Variants in PCDHGA4 observed in about 807,000 individuals in gnomAD.
PCDHGA4 encodes the protein protocadherin gamma-A4.
Under a neutral mutation model 54.6 loss-of-function variants are expected in PCDHGA4, and 38 were observed. The ratio of observed to expected loss-of-function variants is 0.70; its 90% CI spans 0.54 to 0.91. The LOEUF (loss-of-function observed/expected upper bound fraction) is 0.91. PCDHGA4 is among the 40% of genes least tolerant of loss of function. PCDHGA4 has a pLI of 0.00. For missense variants in PCDHGA4, 1,298 were observed against 1,220.9 expected, an observed-to-expected ratio of 1.06 and a Z score of -0.94; for synonymous variants, 511 against 512.9, an observed-to-expected ratio of 1.00 and a Z score of 0.05.
rs747671382 is a variant in PCDHGA4 at position 141,444,152 on chromosome 5, A to ATTTTTTTT, written c.2515-50626_2515-50619dup. ...GATATGTGTCACTTGTGTGTACTGG[A>ATTTTTTTT]TTTTTTTTTTTTTTTTTTTTTTTTT... On this transcript the variant is annotated intron_variant, in intron 1 of 3. Transcript: ENST00000571252. Among the ~76,000 whole-genome samples, 8 of 33,898 alleles carry ATTTTTTTT rather than the reference A, an allele frequency of 2.4e-4. 3 individuals are homozygous for ATTTTTTTT. Among genetic ancestry groups the ATTTTTTTT allele is most frequent in the African/African-American group, 5.6e-4 (4 of 7,184 alleles). The allele number at this position is 33,898 out of a possible 152,430, so 22.2% of individuals were successfully genotyped here.
intron 1 of PCDHGA4, chr5:141,415,272 A>G (rs771588742): frequency 1.3e-5 from 21 of 1,614,208 alleles, no homozygotes; most frequent in African/African-American, 9.3e-5. Context: ...ACCTGGTGGT[A>G]GCGGTGGCCG....
chr5:141,426,439 G>A, intron 1 of PCDHGA4: 1 of 302,400 alleles, frequency 3.3e-6, no homozygotes, highest in Non-Finnish European at 6.5e-6. Flanking sequence ...GAACCTTGCG[G>A]AGGACATGCG....
In PCDHGA4 at chr5:141,477,880, C is replaced by T. The variant is rs763789849; in HGVS notation, c.2515-16927C>T. 10 of 1,614,058 alleles carry T rather than the reference C, an allele frequency of 6.2e-6. No homozygotes were observed. The African/African-American group carries it at 1.2e-4, about 19-fold the overall frequency. ...TGCCTCGAGGTACCTCAGCTGGCCA[C>T]CTAGTGTCACGGGTGGTAGGCTGGG... is the stretch of plus-strand genomic sequence containing the variant. On this transcript the variant is annotated intron_variant, in intron 1 of 3. Transcript: ENST00000571252. The surrounding 1 kb of genome is among the most constrained non-coding windows in gnomAD (Gnocchi z 4.9).
chr5:141,364,009 G>C (rs1763143334), intron 1 of PCDHGA4, among the ~76,000 whole-genome samples: 1 of 152,092 alleles, frequency 6.6e-6, no homozygotes, highest in Non-Finnish European at 1.5e-5. Context: ...CATAAACAAC[G>C]CTACACAGTT....
At position 141,511,211 on chromosome 5, in the gene PCDHGA4, C is replaced by G; in HGVS notation, c.*38C>G. ...GCCAAGAGCCACAGGGCGGCCTCTC[C>G]CCAACCAGCCCAGCTTCTCCTTACC... On this transcript the variant is annotated 3_prime_UTR_variant, in exon 4 of 4. Transcript: ENST00000571252. The G allele has an allele frequency of 6.2e-7, 1 of 1,608,626 alleles. No individual in the cohort carries two copies. The highest frequency in any genetic ancestry group is 8.5e-7 in the Non-Finnish European group (1 of 1,177,476).
chr5:141,441,762 C>A (rs3805697), intron 1 of PCDHGA4: 10 of 374,012 alleles, frequency 2.7e-5, no homozygotes, highest in Non-Finnish European at 2.2e-5. Flanking sequence ...CGTGAGCCTG[C>A]GCGTGTTGGT....
chr5:141,421,750 C>A lies in PCDHGA4; in HGVS notation c.2514+64129C>A, dbSNP rs766529731. On this transcript the variant is annotated intron_variant, in intron 1 of 3. Coordinates refer to ENST00000571252, the MANE Select transcript of PCDHGA4 (RefSeq NM_018917.4). ...CTCCCTCCAGAGCTACCAGCTCAGC[C>A]CTAATAATTACTTTTCCTTGCAACT... 4.3e-6 allele frequency: 7 copies of A among 1,613,788 alleles called. No individual in the cohort carries two copies. Among genetic ancestry groups the A allele is most frequent in the Non-Finnish European group, 5.9e-6 (7 of 1,179,864 alleles).
chr5:141,389,330 C>T, intron 1 of PCDHGA4: 1 of 1,614,000 alleles, frequency 6.2e-7, no homozygotes. Context: ...TGGGGCCCAA[C>T]GGCCAAGTCT....
intron 1 of PCDHGA4, chr5:141,374,714 G>C (rs1236113306): frequency 1.2e-6 from 2 of 1,609,850 alleles, no homozygotes; most frequent in South Asian, 2.2e-5. Flanking sequence ...TTACCGCCTG[G>C]TCCTTACTGC....
chr5:141,374,941 A>G, intron 1 of PCDHGA4: 1 of 1,614,040 alleles, frequency 6.2e-7, no homozygotes, highest in Non-Finnish European at 8.5e-7. Context: ...AGATTACAGA[A>G]AAGATCTCAC....
chr5:141,408,851 G>T, intron 1 of PCDHGA4: 4 of 1,613,574 alleles, frequency 2.5e-6, no homozygotes, highest in African/African-American at 1.3e-5. Context: ...TGCCTTGGAC[G>T]GAGGGGACCC....
Position 141,432,694 on chromosome 5 carries a change from C to A in PCDHGA4, c.2515-62113C>A. 1 of 1,613,936 alleles carries A rather than the reference C, an allele frequency of 6.2e-7. No homozygotes were observed. The highest frequency in any genetic ancestry group is 8.5e-7 in the Non-Finnish European group (1 of 1,179,964). On this transcript the variant is annotated intron_variant, in intron 1 of 3. Transcript: ENST00000571252. This position sits in a 1 kb window ranked among gnomAD's most constrained non-coding sequence, Gnocchi z 6.0. Reference sequence around the variant, plus strand: ...CGCTCAAGCAGAGCCTCGTAGTGGCCGTCCAGGACCACGGCCAGCCCCCTC... The same window carrying A: ...CGCTCAAGCAGAGCCTCGTAGTGGCAGTCCAGGACCACGGCCAGCCCCCTC...
At position 141,357,514 on chromosome 5, in the gene PCDHGA4, C is replaced by T. The variant is rs563793307; in HGVS notation, c.2407C>T (p.Gln803Ter). 19 of 1,614,136 alleles carry T rather than the reference C, an allele frequency of 1.2e-5. No individual in the cohort carries two copies. The highest frequency in any genetic ancestry group is 1.6e-5 in the Non-Finnish European group (19 of 1,180,056). ...DSRKSHLIFS[Q>*]PSYADTLISR... ...GCGGAAGAGTCACCTGATCTTCTCC[C>T]AACCCAGCTATGCAGACACGCTCAT... The change falls in exon 1 of 4, where the codon CAA (glutamine) becomes TAA (stop). Residue 803 changes from glutamine (Q) to a stop codon, truncating the protein, a stop_gained. Coordinates refer to ENST00000571252, the MANE Select transcript of PCDHGA4 (RefSeq NM_018917.4). LOFTEE classifies it high-confidence loss of function.
chr5:141,414,427 C>G lies in PCDHGA4; in HGVS notation c.2514+56806C>G, dbSNP rs766147938. The G allele has an allele frequency of 6.2e-6, 10 of 1,613,684 alleles. No individual in the cohort carries two copies. The highest frequency in any genetic ancestry group is 1.6e-4 in the Middle Eastern group (1 of 6,084). On this transcript the variant is annotated intron_variant, in intron 1 of 3. Coordinates refer to ENST00000571252, the MANE Select transcript of PCDHGA4 (RefSeq NM_018917.4). ...GATACACAGAGCCCTTGACAGGGAA[C>G]AGGTATCCTCTTACAATATCACAGT... is the stretch of plus-strand genomic sequence containing the variant.
Position 141,485,943 on chromosome 5 carries a change from C to T in PCDHGA4, c.2515-8864C>T, listed in dbSNP as rs750871245. On this transcript the variant is annotated intron_variant, in intron 1 of 3. Transcript: ENST00000571252. This position sits in a 1 kb window ranked among gnomAD's most constrained non-coding sequence, Gnocchi z 5.7. Reference sequence around the variant, plus strand: ...ATTAGTGTGTTGGAGAGCGCACCAGCGGGCATGGTGCTCATCCAGCTCAAT... The same window carrying T: ...ATTAGTGTGTTGGAGAGCGCACCAGTGGGCATGGTGCTCATCCAGCTCAAT... The T allele has an allele frequency of 1.9e-6, 3 of 1,614,126 alleles. No homozygotes were observed. In the South Asian group the frequency reaches 3.3e-5, roughly 18 times the overall value.
chr5:141,381,689 C>A lies in PCDHGA4; in HGVS notation c.2514+24068C>A, dbSNP rs548691945. 4.6e-5 allele frequency among the ~76,000 whole-genome samples: 7 copies of A among 152,268 alleles called. No individual in the cohort carries two copies. In the South Asian group the frequency reaches 1.2e-3, roughly 27 times the overall value. ...AGCTGATTGCTGCAGCCAAGACAAA[C>A]AACGATTTCTTTCTTTTTTTCTCAC... On this transcript the variant is annotated intron_variant, in intron 1 of 3. Transcript: ENST00000571252.
rs769633110 is a variant in PCDHGA4 at position 141,374,076 on chromosome 5, A to G, written c.2514+16455A>G. The G allele has an allele frequency of 3.3e-6, 5 of 1,514,538 alleles. No homozygotes were observed. The Admixed American group carries it at 9.2e-5, about 28-fold the overall frequency. 93.8% of individuals were successfully genotyped at this position (1,514,538 alleles called of 1,614,324 possible). A position where few individuals can be genotyped will look rare whatever the true frequency, so the allele number is the denominator to read the frequency against. ...CTTAATCCCAGAGAAGTTCCTAATA[A>G]GCCAGTAATGGCGCCTCCGCAGAGG... On this transcript the variant is annotated intron_variant, in intron 1 of 3. Coordinates refer to ENST00000571252, the MANE Select transcript of PCDHGA4 (RefSeq NM_018917.4).
intron 1 of PCDHGA4, among the ~76,000 whole-genome samples, chr5:141,435,314 G>C (rs1490871069): frequency 6.6e-6 from 1 of 152,006 alleles, no homozygotes; most frequent in African/African-American, 2.4e-5. Flanking sequence ...AATCATTCAT[G>C]AACTTCCAAA....
chr5:141,430,796 C>A, intron 1 of PCDHGA4: 1 of 1,522,232 alleles, frequency 6.6e-7, no homozygotes, highest in Middle Eastern at 1.8e-4. Context: ...CTACAAAGGG[C>A]TTGTCCTGCT....
Sources: allele counts gnomAD v4.1 joint callset (sites outside exome capture counted in the v4.1 genomes callset), GRCh38; gene constraint gnomAD v4.1.1; non-coding constraint Gnocchi (gnomAD v3.1); transcripts MANE v1.5; gene names NCBI Gene and HGNC (gene_info 2026-07-23, HGNC 2026-07-21).